The following ANKRD31 variants were observed in gnomAD, a reference collection of about 807,000 sequenced individuals.
ANKRD31 encodes the protein ankyrin repeat domain 31.
In ANKRD31, 147 loss-of-function variants were observed where a neutral mutation model predicts 186.0. The observed-to-expected ratio is 0.79, with a 90% CI of 0.69 to 0.91. The LOEUF is 0.91. ANKRD31 is among the 40% of genes least tolerant of loss of function. The probability of loss-of-function intolerance (pLI) is 0.00; values close to 1 mark genes in which losing one functional copy is unlikely to be tolerated. For synonymous variants in ANKRD31, 673 were observed against 736.4 expected, an observed-to-expected ratio of 0.91 and a Z score of 1.39; for missense variants, 1,986 against 2,148.8, an observed-to-expected ratio of 0.92 and a Z score of 1.50.
intron 1 of ANKRD31, among the ~76,000 whole-genome samples, chr5:75,234,411 C>T (rs1215416198): frequency 1.3e-5 from 2 of 152,188 alleles, no homozygotes; most frequent in East Asian, 3.8e-4. Context: ...GCTCATAGTC[C>T]TCACTACTCA....
chr5:75,199,578 T>TA, intron 6 of ANKRD31, 53 bp downstream of exon 6: 1 of 1,391,560 alleles, frequency 7.2e-7, no homozygotes, highest in Non-Finnish European at 9.6e-7. Context: ...CATAATTTTT[T>TA]AAAAAATCTA....
chr5:75,086,290 T>A (rs1279731096), intron 23 of ANKRD31, among the ~76,000 whole-genome samples: 3 of 152,212 alleles, frequency 2.0e-5, no homozygotes, highest in Admixed American at 6.5e-5. Flanking sequence ...AAAATCTATT[T>A]TCCATTAGGT....
At position 75,116,701 on chromosome 5, in the gene ANKRD31, A is replaced by G; in HGVS notation, c.4040-20T>C. 7.5e-7 allele frequency: 1 copy of G among 1,331,482 alleles called. No individual in the cohort carries two copies. Among genetic ancestry groups the G allele is most frequent in the Non-Finnish European group, 9.9e-7 (1 of 1,010,348 alleles). 82.5% of individuals were successfully genotyped at this position (1,331,482 alleles called of 1,614,324 possible). ...TTTTTTCTTTAAAAAGTAAAATTAGAAAATATAATAAGAATGTGCAAAAAT... is the reference window on the plus strand; with the variant it reads ...TTTTTTCTTTAAAAAGTAAAATTAGGAAATATAATAAGAATGTGCAAAAAT... On this transcript the variant is annotated intron_variant, in intron 18 of 25. Coordinates refer to ENST00000506364, the MANE Select transcript of ANKRD31 (RefSeq NM_001372053.1).
At chr5:75,198,668 G>A (rs527802158) in intron 6 of ANKRD31, among the ~76,000 whole-genome samples, 1 of 152,262 alleles carries the variant, frequency 6.6e-6, no homozygotes, top group South Asian at 2.1e-4. Flanking sequence ...AATTACTTTG[G>A]TCAAGATCGC....
chr5:75,129,941 G>A (rs1009187412), intron 17 of ANKRD31, among the ~76,000 whole-genome samples: 8 of 152,184 alleles, frequency 5.3e-5, no homozygotes, highest in Admixed American at 3.9e-4. Flanking sequence ...CTAATACTGA[G>A]CTTTTCCAGT....
chr5:75,068,975 GT>G (rs1743987831), intron 25 of ANKRD31, among the ~76,000 whole-genome samples: 2 of 152,166 alleles, frequency 1.3e-5, no homozygotes, highest in Admixed American at 1.3e-4. Context: ...GAATAAAACA[GT>G]TGTATTAACT....
rs765517517 is a variant in ANKRD31, at chr5:75,068,631, C to A, written c.5681G>T (p.Arg1894Leu). Residue 1894 changes from arginine to leucine, a missense_variant, in exon 26 of 26, where the codon CGT (arginine) becomes CTT (leucine). By Grantham distance (102) the Arg-to-Leu change is moderately radical (BLOSUM62 -2). Transcript: ENST00000506364. ...TAGTATTTCATTTATTTGTAGATAA[C>A]GTGGGCTGCTTTGCATTGACTCTCT... Reference protein sequence around the residue: ...TSRESMQSSPRYLQINEILLI... With the variant: ...TSRESMQSSPLYLQINEILLI... 20 of 1,521,562 alleles carry A rather than the reference C, an allele frequency of 1.3e-5. No homozygotes were observed. In the South Asian group the frequency reaches 2.5e-4, roughly 19 times the overall value. The allele number at this position is 1,521,562 out of a possible 1,614,324, so 94.3% of individuals were successfully genotyped here.
chr5:75,145,753 T>C (rs774285487), intron 14 of ANKRD31, among the ~76,000 whole-genome samples: 4 of 151,968 alleles, frequency 2.6e-5, no homozygotes, highest in Non-Finnish European at 5.9e-5. Context: ...AAAAAACTAC[T>C]GTTTATTACC....
chr5:75,169,858 G>C (rs1753193819), intron 10 of ANKRD31, among the ~76,000 whole-genome samples: 1 of 152,030 alleles, frequency 6.6e-6, no homozygotes, highest in Admixed American at 6.6e-5. Context: ...CAGCATCCCT[G>C]GCCTCAACCC....
intron 17 of ANKRD31, among the ~76,000 whole-genome samples, chr5:75,128,677 T>C (rs1749464218): frequency 6.6e-6 from 1 of 151,174 alleles, no homozygotes; most frequent in South Asian, 2.1e-4. Flanking sequence ...CTAATTTTTT[T>C]TTTTTTTTTG....
intron 21 of ANKRD31, 74 bp downstream of exon 21, chr5:75,107,447 G>C (rs1178279772): frequency 9.8e-7 from 1 of 1,025,090 alleles, no homozygotes; most frequent in East Asian, 2.6e-5. Flanking sequence ...AGAAATTCTA[G>C]ACAACTATTG....
At chr5:75,095,351 G>A (rs956304975) in intron 22 of ANKRD31, among the ~76,000 whole-genome samples, 3 of 152,072 alleles carry the variant, frequency 2.0e-5, no homozygotes, top group African/African-American at 7.2e-5. Flanking sequence ...GCGGATGCCT[G>A]TAGTCCCAGC....
At chr5:75,092,571 C>T (rs1459899867) in intron 22 of ANKRD31, among the ~76,000 whole-genome samples, 1 of 152,146 alleles carries the variant, frequency 6.6e-6, no homozygotes, top group East Asian at 1.9e-4. Flanking sequence ...GTGGGGACTT[C>T]ACTAAAACAA....
At chr5:75,135,839 A>T (rs902388368) in intron 17 of ANKRD31, among the ~76,000 whole-genome samples, 1 of 152,246 alleles carries the variant, frequency 6.6e-6, no homozygotes, top group East Asian at 1.9e-4. Flanking sequence ...ATGGAACAGA[A>T]CAGAGCCCTC....
intron 3 of ANKRD31, among the ~76,000 whole-genome samples, chr5:75,213,153 AAAGAT>A (rs1440641625): frequency 6.6e-6 from 1 of 152,222 alleles, no homozygotes; most frequent in South Asian, 2.1e-4. Context: ...CTCAGAGGCC[AAAGAT>A]AAGAAATGTC....
chr5:75,214,985 T>C (rs1247340608), intron 3 of ANKRD31, among the ~76,000 whole-genome samples: 6 of 152,194 alleles, frequency 3.9e-5, no homozygotes, highest in African/African-American at 1.4e-4. Context: ...CCCACAATTA[T>C]GGAAACTGGC....
chr5:75,143,590 T>C (rs902655848), intron 15 of ANKRD31, among the ~76,000 whole-genome samples: 1 of 152,152 alleles, frequency 6.6e-6, no homozygotes, highest in Non-Finnish European at 1.5e-5. Flanking sequence ...GCTTAGCTTG[T>C]CCGTACTGTG....
At chr5:75,072,550 T>A (rs527390778) in intron 25 of ANKRD31, among the ~76,000 whole-genome samples, 2 of 152,234 alleles carry the variant, frequency 1.3e-5, no homozygotes, top group African/African-American at 4.8e-5. Context: ...AGACTTCTAA[T>A]GAACGACTAA....
Position 75,147,295 on chromosome 5 carries a change from A to G in ANKRD31, c.2116T>C (p.Ser706Pro). ...AGATTGCCCTTTCTGAGTCCTGTAG[A>G]GTATATCTGGTCAAGAGTTGATTGT... ...HKQSTLDQIYSTGLRKGNLHN... is the reference protein window; with the variant it reads ...HKQSTLDQIYPTGLRKGNLHN... The change falls in exon 14 of 26, where the codon TCT becomes CCT. Residue 706 changes from serine to proline, a missense_variant. By Grantham distance (74) the Ser-to-Pro change is moderately conservative. Transcript: ENST00000506364. 6.5e-7 allele frequency: 1 copy of G among 1,535,196 alleles called. No homozygotes were observed. The highest frequency in any genetic ancestry group is 8.7e-7 in the Non-Finnish European group (1 of 1,145,978).
Sources: allele counts gnomAD v4.1 joint callset (sites outside exome capture counted in the v4.1 genomes callset), GRCh38; gene constraint gnomAD v4.1.1; transcripts MANE v1.5; gene names NCBI Gene and HGNC (gene_info 2026-07-23, HGNC 2026-07-21).